PCCA: variants seen among roughly 807,000 people sequenced by gnomAD.
The protein encoded by PCCA is propionyl-CoA carboxylase subunit alpha.
Under a neutral mutation model 101.3 loss-of-function variants are expected in PCCA, and 74 were observed. The ratio of observed to expected loss-of-function variants is 0.73; its 90% CI spans 0.61 to 0.89. The LOEUF (loss-of-function observed/expected upper bound fraction) is 0.89. PCCA is among the 40% of genes least tolerant of loss of function. The pLI, the probability that PCCA is intolerant of heterozygous loss-of-function variation, is 0.00. For missense variants in PCCA, 891 were observed against 907.0 expected (o/e 0.98, Z 0.23); for synonymous variants, 294 against 313.6 (o/e 0.94, Z 0.66).
At chr13:100,410,951 A>T (rs2078015167) in intron 19 of PCCA, among the ~76,000 whole-genome samples, 1 of 152,184 alleles carries the variant, frequency 6.6e-6, no homozygotes, top group Non-Finnish European at 1.5e-5. Flanking sequence ...ATAGTAGCAA[A>T]CTTGTTAGTT....
intron 19 of PCCA, among the ~76,000 whole-genome samples, chr13:100,403,317 T>C (rs1192840072): frequency 6.6e-6 from 1 of 152,202 alleles, no homozygotes; most frequent in Non-Finnish European, 1.5e-5. Flanking sequence ...GGCATGTGTG[T>C]TAGGCCGTTT....
chr13:100,514,064 C>G (rs948505927), intron 21 of PCCA, among the ~76,000 whole-genome samples: 1 of 152,338 alleles, frequency 6.6e-6, no homozygotes, highest in Non-Finnish European at 1.5e-5. Flanking sequence ...ACTCTCCTCG[C>G]TTTTTCCCTC....
intron 19 of PCCA, among the ~76,000 whole-genome samples, chr13:100,399,956 T>C (rs2077237945): frequency 6.6e-6 from 1 of 152,318 alleles, no homozygotes; most frequent in East Asian, 1.9e-4. Flanking sequence ...CATTAATGAA[T>C]ATTGAATTAA....
At chr13:100,193,889 C>G (rs2057911104) in intron 6 of PCCA, among the ~76,000 whole-genome samples, 1 of 152,042 alleles carries the variant, frequency 6.6e-6, no homozygotes, top group African/African-American at 2.4e-5. Context: ...ACCATCCTGG[C>G]TAATATGGTG....
In PCCA at chr13:100,305,893, C is replaced by T. The variant is rs190856838; in HGVS notation, c.1285-1299C>T. 2.3e-5 allele frequency: 9 copies of T among 394,456 alleles called. No homozygotes were observed. In the East Asian group the frequency reaches 2.4e-4, roughly 11 times the overall value. 24.4% of individuals were successfully genotyped at this position (394,456 alleles called of 1,614,324 possible). A position where few individuals can be genotyped will look rare whatever the true frequency, so the allele number is the denominator to read the frequency against. On this transcript the variant is annotated intron_variant, in intron 14 of 23. Coordinates refer to ENST00000376285, the MANE Select transcript of PCCA (RefSeq NM_000282.4). Reference sequence around the variant, plus strand: ...AGATTTTTGTATATGAATGTGAATACGAATACAGATATCTATATTTTTGTT... The same window carrying T: ...AGATTTTTGTATATGAATGTGAATATGAATACAGATATCTATATTTTTGTT...
chr13:100,361,304 TATTGGCTTATCA>T (rs2074561602), intron 18 of PCCA, among the ~76,000 whole-genome samples: 1 of 152,052 alleles, frequency 6.6e-6, no homozygotes, highest in African/African-American at 2.4e-5. Flanking sequence ...GTAACATTGA[TATTGGCTTATCA>T]ATTGTAACAA....
chr13:100,523,019 T>C (rs1359715769), intron 22 of PCCA, among the ~76,000 whole-genome samples: 1 of 152,226 alleles, frequency 6.6e-6, no homozygotes. Flanking sequence ...GGTGGTCTTT[T>C]TTCCCCCGTT....
At chr13:100,110,627 G>A (rs1223047606) in intron 2 of PCCA, among the ~76,000 whole-genome samples, 2 of 152,084 alleles carry the variant, frequency 1.3e-5, no homozygotes, top group Non-Finnish European at 2.9e-5. Flanking sequence ...TTGGATATAT[G>A]CACAATTAGG....
At chr13:100,205,044 A>G (rs907902478) in intron 6 of PCCA, among the ~76,000 whole-genome samples, 1 of 152,152 alleles carries the variant, frequency 6.6e-6, no homozygotes, top group African/African-American at 2.4e-5. Context: ...TATTATATGT[A>G]TCATGCAAGG....
At chr13:100,181,228 T>C (rs2056754510) in intron 6 of PCCA, among the ~76,000 whole-genome samples, 1 of 152,206 alleles carries the variant, frequency 6.6e-6, no homozygotes, top group Non-Finnish European at 1.5e-5. Context: ...TGGTGGGGTA[T>C]GTGTTATGGC....
intron 13 of PCCA, among the ~76,000 whole-genome samples, chr13:100,302,048 G>C (rs2066102525): frequency 6.6e-6 from 1 of 151,494 alleles, no homozygotes; most frequent in Non-Finnish European, 1.5e-5. Context: ...CCTTTTTTTT[G>C]TATAATTTTC....
chr13:100,172,868 C>A (rs1332562575), intron 6 of PCCA, among the ~76,000 whole-genome samples: 1 of 152,206 alleles, frequency 6.6e-6, no homozygotes, highest in East Asian at 1.9e-4. Flanking sequence ...CAGGATCACA[C>A]AGCTGTTAGT....
chr13:100,457,379 A>G (rs893926978), intron 21 of PCCA, among the ~76,000 whole-genome samples: 2 of 152,166 alleles, frequency 1.3e-5, no homozygotes, highest in African/African-American at 2.4e-5. Flanking sequence ...GATTTATGCT[A>G]CTTGCTGGCT....
At chr13:100,371,966 C>T (rs962796406) in intron 19 of PCCA, among the ~76,000 whole-genome samples, 1 of 152,122 alleles carries the variant, frequency 6.6e-6, no homozygotes, top group Admixed American at 6.6e-5. Context: ...AAATTTGGGT[C>T]CTTTTCTTAC....
intron 21 of PCCA, among the ~76,000 whole-genome samples, chr13:100,470,244 G>T (rs770704879): frequency 7.5e-5 from 11 of 147,326 alleles, no homozygotes; most frequent in African/African-American, 2.7e-4. Flanking sequence ...TGAAGTGGAA[G>T]CGTGTGTTTT....
chr13:100,269,531 T>A (rs2063166714), intron 11 of PCCA, among the ~76,000 whole-genome samples: 1 of 152,190 alleles, frequency 6.6e-6, no homozygotes, highest in African/African-American at 2.4e-5. Flanking sequence ...TTTGGGTACT[T>A]CTCCAGGGCA....
Position 100,309,816 on chromosome 13 carries a change from T to C in PCCA, c.1354-17T>C. 1 of 1,582,704 alleles carries C rather than the reference T, an allele frequency of 6.3e-7. No homozygotes were observed. The highest frequency in any genetic ancestry group is 1.1e-5 in the South Asian group (1 of 90,298). On this transcript the variant is annotated splice_polypyrimidine_tract_variant and intron_variant, in intron 15 of 23. Transcript: ENST00000376285. ...AAATATATATATATATTGGGTTTTTTGTTTGCTTGTTTTTAGCTAATCACA... is the reference window on the plus strand; with the variant it reads ...AAATATATATATATATTGGGTTTTTCGTTTGCTTGTTTTTAGCTAATCACA...
chr13:100,440,159 TATATATATA>T (rs1566307952), intron 20 of PCCA, among the ~76,000 whole-genome samples: 5 of 1,536 alleles, frequency 3.3e-3, no homozygotes, highest in Admixed American at 9.7e-3. Flanking sequence ...TATTAAATTA[TATATATATA>T]TATATATATA....
chr13:100,438,196 C>T (rs2080085988), intron 20 of PCCA, among the ~76,000 whole-genome samples: 1 of 151,128 alleles, frequency 6.6e-6, no homozygotes, highest in African/African-American at 2.4e-5. Context: ...TGCTCTGTTG[C>T]CCAGGCTAGA....
Sources: allele counts gnomAD v4.1 joint callset (sites outside exome capture counted in the v4.1 genomes callset), GRCh38; gene constraint gnomAD v4.1.1; transcripts MANE v1.5; gene names NCBI Gene and HGNC (gene_info 2026-07-23, HGNC 2026-07-21).